RARB: variants seen among roughly 807,000 people sequenced by gnomAD.
The protein encoded by RARB is HBV-activated protein.
RARB carries 17 observed loss-of-function variants against 51.9 expected under a neutral mutation model. The observed-to-expected ratio is 0.33, with a 90% confidence interval of 0.22 to 0.49. RARB has a LOEUF of 0.49. RARB is among the 20% of genes least tolerant of loss of function. The probability of loss-of-function intolerance (pLI) is 0.99; values close to 1 mark genes in which losing one functional copy is unlikely to be tolerated. For synonymous variants in RARB, 215 were observed against 195.4 expected, an observed-to-expected ratio of 1.10 and a Z score of -0.84; for missense variants, 369 against 550.8, an observed-to-expected ratio of 0.67 and a Z score of 3.30.
At chr3:25,351,857 A>G (rs1320289375) in intron 5 of RARB, among the ~76,000 whole-genome samples, 2 of 152,140 alleles carry the variant, frequency 1.3e-5, no homozygotes, top group East Asian at 3.9e-4. Context: ...GTGTTCCCCA[A>G]GAGCTCTAAT....
intron 2 of RARB, among the ~76,000 whole-genome samples, chr3:24,860,783 T>C (rs948783612): frequency 6.6e-6 from 1 of 152,200 alleles, no homozygotes; most frequent in African/African-American, 2.4e-5. Context: ...ATGTGCTGTG[T>C]GACATTAGGT....
At chr3:25,446,112 A>G (rs774909084) in intron 1 of RARB, among the ~76,000 whole-genome samples, 5 of 152,246 alleles carry the variant, frequency 3.3e-5, no homozygotes, top group Non-Finnish European at 7.3e-5. Flanking sequence ...AAATGTATAC[A>G]TGAGGTTTTG....
chr3:25,213,608 A>G (rs75772595), intron 5 of RARB, among the ~76,000 whole-genome samples: 4,071 of 152,300 alleles, frequency 0.027, 118 homozygotes, highest in African/African-American at 0.069. Flanking sequence ...TAGGGTATGC[A>G]TAAGTTCAGC....
intron 2 of RARB, among the ~76,000 whole-genome samples, chr3:24,878,362 A>AT (rs34694855): frequency 0.077 from 11,351 of 147,166 alleles, 869 homozygotes; most frequent in East Asian, 0.2. Context: ...CCAAGTTGTG[A>AT]TTTTTTTTTT....
chr3:25,068,217 C>G (rs77796651), intron 3 of RARB, among the ~76,000 whole-genome samples: 1 of 149,600 alleles, frequency 6.7e-6, no homozygotes, highest in Non-Finnish European at 1.5e-5. Context: ...ATCTGTCCCC[C>G]TCTCCCACTC....
At chr3:25,271,728 T>A (rs1305646323) in intron 5 of RARB, among the ~76,000 whole-genome samples, 2 of 152,200 alleles carry the variant, frequency 1.3e-5, no homozygotes, top group African/African-American at 4.8e-5. Context: ...TAATCTTGTT[T>A]ATAAAAGAAA....
intron 5 of RARB, among the ~76,000 whole-genome samples, chr3:25,236,996 C>A (rs894775337): frequency 7.9e-6 from 1 of 126,868 alleles, no homozygotes; most frequent in Non-Finnish European, 1.7e-5. Flanking sequence ...AGTTGTTGGT[C>A]TTCCAGAACT....
intron 5 of RARB, among the ~76,000 whole-genome samples, chr3:25,401,414 C>G: frequency 6.6e-6 from 1 of 152,074 alleles, no homozygotes; most frequent in South Asian, 2.1e-4. Flanking sequence ...CCTCGCTCTA[C>G]CAAAACTTAC....
chr3:24,868,315 A>G (rs1702888001), intron 2 of RARB, among the ~76,000 whole-genome samples: 1 of 152,192 alleles, frequency 6.6e-6, no homozygotes, highest in African/African-American at 2.4e-5. Flanking sequence ...ACACACTTGT[A>G]CAAATGATGC....
chr3:25,048,145 T>C (rs1050137009), intron 2 of RARB, among the ~76,000 whole-genome samples: 5 of 152,246 alleles, frequency 3.3e-5, no homozygotes, highest in Non-Finnish European at 5.9e-5. Flanking sequence ...AATTACCCAT[T>C]CTCAGGTATG....
intron 5 of RARB, among the ~76,000 whole-genome samples, chr3:25,417,233 C>A (rs1197692221): frequency 6.6e-6 from 1 of 150,672 alleles, no homozygotes; most frequent in Non-Finnish European, 1.5e-5. Context: ...GTCTCTGAAT[C>A]TGAAGTGTGT....
At chr3:25,310,549 C>A (rs75156194) in intron 5 of RARB, among the ~76,000 whole-genome samples, 72 of 152,274 alleles carry the variant, frequency 4.7e-4, no homozygotes, top group African/African-American at 1.6e-3. Flanking sequence ...AGACAAAATG[C>A]AGTATGTTCA....
At chr3:25,209,584 G>A (rs993396765) in intron 5 of RARB, among the ~76,000 whole-genome samples, 6 of 152,316 alleles carry the variant, frequency 3.9e-5, no homozygotes, top group Non-Finnish European at 7.3e-5. Flanking sequence ...GTGGCTTGGA[G>A]AATATATTTC....
chr3:25,453,413 A>C (rs1026705125), intron 1 of RARB, among the ~76,000 whole-genome samples: 2 of 151,610 alleles, frequency 1.3e-5, no homozygotes, highest in Non-Finnish European at 2.9e-5. Flanking sequence ...ACGCCTAGCT[A>C]ATTTTGTATT....
At chr3:25,129,162 G>A (rs1400324295) in intron 3 of RARB, among the ~76,000 whole-genome samples, 6 of 151,970 alleles carry the variant, frequency 3.9e-5, no homozygotes, top group Non-Finnish European at 8.8e-5. Flanking sequence ...TTTATTGGTT[G>A]TAAGGAATAA....
At chr3:25,495,324 C>G (rs1468938366) in intron 2 of RARB, among the ~76,000 whole-genome samples, 1 of 152,042 alleles carries the variant, frequency 6.6e-6, no homozygotes, top group Non-Finnish European at 1.5e-5. Context: ...TTTCCATGTC[C>G]TTTCTTGATT....
intron 3 of RARB, among the ~76,000 whole-genome samples, chr3:25,560,964 A>G (rs546512901): frequency 6.6e-6 from 1 of 152,316 alleles, no homozygotes; most frequent in East Asian, 1.9e-4. Context: ...TTGTGTTGCA[A>G]TCATGTATAT....
intron 5 of RARB, among the ~76,000 whole-genome samples, chr3:25,344,985 T>C (rs1705345440): frequency 6.6e-6 from 1 of 152,222 alleles, no homozygotes; most frequent in African/African-American, 2.4e-5. Flanking sequence ...TCTTAAGCAT[T>C]TTCTTTTTTC....
chr3:24,986,505 A>AT (rs1696797032), intron 2 of RARB, among the ~76,000 whole-genome samples: 1 of 152,176 alleles, frequency 6.6e-6, no homozygotes, highest in Non-Finnish European at 1.5e-5. Context: ...TTACTTTGGG[A>AT]TTAATGTCCA....
Sources: gnomAD v4.1 joint callset for allele counts (sites outside exome capture counted in the v4.1 genomes callset) on GRCh38, gnomAD v4.1.1 for gene constraint, MANE v1.5 for transcripts, NCBI Gene and HGNC (gene_info 2026-07-23, HGNC 2026-07-21) for gene names.